The following STARD13 variants were observed in gnomAD, a reference collection of about 807,000 sequenced individuals.
STARD13 encodes the protein stAR-related lipid transfer protein 13.
Under a neutral mutation model 106.4 loss-of-function variants are expected in STARD13, and 62 were observed. The ratio of observed to expected loss-of-function variants is 0.58; its 90% CI spans 0.48 to 0.72. The LOEUF (loss-of-function observed/expected upper bound fraction) is 0.72, where lower values mean the gene tolerates loss of function less well. Ranked by LOEUF, STARD13 falls within the 30% of genes least tolerant of loss-of-function variation. The pLI is 0.00. For synonymous variants in STARD13, 565 were observed against 553.0 expected (o/e 1.02, Z -0.31); for missense variants, 1,387 against 1,424.0 (o/e 0.97, Z 0.42).
Position 33,274,418 on chromosome 13 carries a change from G to A in STARD13, c.169+11052C>T, listed in dbSNP as rs149353965. Among the ~76,000 whole-genome samples the A allele has an allele frequency of 2.5e-3, 373 of 152,188 alleles. 2 individuals carry two copies. The highest frequency in any genetic ancestry group is 8.5e-3 in the African/African-American group (353 of 41,514). On this transcript the variant is annotated intron_variant, in intron 1 of 13. Transcript: ENST00000336934. Reference sequence around the variant, plus strand: ...GGCCTCCAAAGGAACAAACCCTGCCGGCACCTTGTTCTCAACTTCCAACCT... The same window carrying A: ...GGCCTCCAAAGGAACAAACCCTGCCAGCACCTTGTTCTCAACTTCCAACCT...
At chr13:33,464,387 T>C in the STARD13 span, among the ~76,000 whole-genome samples, 2 of 152,188 alleles carry the variant, frequency 1.3e-5, no homozygotes, top group Non-Finnish European at 2.9e-5. Context: ...GTAACACATA[T>C]GTTGCTCCAA....
At chr13:33,200,876 A>T (rs1335301037) in intron 1 of STARD13, among the ~76,000 whole-genome samples, 1 of 151,922 alleles carries the variant, frequency 6.6e-6, no homozygotes, top group East Asian at 1.9e-4. Context: ...AATACAAAAA[A>T]TTAGCCGGGC....
intron 1 of STARD13, among the ~76,000 whole-genome samples, chr13:33,316,454 A>T (rs1893342635): frequency 6.6e-6 from 1 of 152,334 alleles, no homozygotes; most frequent in African/African-American, 2.4e-5. Context: ...TTGTAGTGTG[A>T]CTATCACATG....
At chr13:33,132,323 G>A (rs752970842) in intron 4 of STARD13, among the ~76,000 whole-genome samples, 6 of 152,160 alleles carry the variant, frequency 3.9e-5, no homozygotes, top group African/African-American at 9.7e-5. Flanking sequence ...TAATTGAATC[G>A]TGGGGGTGGT....
the STARD13 span, among the ~76,000 whole-genome samples, chr13:33,542,512 A>C: frequency 6.6e-6 from 1 of 152,228 alleles, no homozygotes; most frequent in Non-Finnish European, 1.5e-5. Flanking sequence ...ACGCACACGC[A>C]GACCGCGCCT....
chr13:33,171,445 T>C (rs553170484), intron 1 of STARD13, among the ~76,000 whole-genome samples: 2 of 152,362 alleles, frequency 1.3e-5, no homozygotes, highest in South Asian at 4.1e-4. Context: ...ATGTAATAAT[T>C]ATTTCATTTT....
At chr13:33,124,288 C>T (rs1229876955) in intron 7 of STARD13, among the ~76,000 whole-genome samples, 1 of 152,216 alleles carries the variant, frequency 6.6e-6, no homozygotes, top group African/African-American at 2.4e-5. Flanking sequence ...GCTGGAAGCC[C>T]TGCCAGGACT....
intron 1 of STARD13, among the ~76,000 whole-genome samples, chr13:33,303,806 C>T (rs1194593818): frequency 2.6e-5 from 4 of 152,172 alleles, no homozygotes; most frequent in Non-Finnish European, 5.9e-5. Context: ...GAACCATCAT[C>T]CCAGTTGATG....
Position 33,128,989 on chromosome 13 carries a change from G to A in STARD13, c.1688C>T (p.Pro563Leu), listed in dbSNP as rs574035412. Residue 563 changes from proline (P) to leucine (L), a missense_variant, in exon 5 of 14, where the codon CCT (proline) becomes CTT (leucine). Physicochemically the swap from Pro to Leu is moderately conservative, Grantham distance 98. Transcript: ENST00000336934. ...RDVTSLNESE[P>L]PGVRDRRDSG... ...ATCCCTCCTGTCTCTGACCCCAGGA[G>A]GCTCAGATTCATTAAGAGATGTTAC... is the stretch of plus-strand genomic sequence containing the variant. 2.5e-6 allele frequency: 4 copies of A among 1,614,096 alleles called. No individual in the cohort carries two copies. The highest frequency in any genetic ancestry group is 1.6e-4 in the Middle Eastern group (1 of 6,062).
chr13:33,645,831 A>T, the STARD13 span, among the ~76,000 whole-genome samples: 1 of 152,186 alleles, frequency 6.6e-6, no homozygotes, highest in Admixed American at 6.5e-5. Flanking sequence ...CTTCTCCTTA[A>T]GCCAGGGTGT....
intron 1 of STARD13, among the ~76,000 whole-genome samples, chr13:33,337,091 G>A (rs1319802868): frequency 2.0e-5 from 3 of 152,100 alleles, no homozygotes; most frequent in Non-Finnish European, 2.9e-5. Flanking sequence ...TTTAACCTAT[G>A]CAATTTTATA....
chr13:33,349,785 CT>C (rs1566153856), intron 1 of STARD13, among the ~76,000 whole-genome samples: 1 of 152,256 alleles, frequency 6.6e-6, no homozygotes, highest in African/African-American at 2.4e-5. Context: ...ACATCCCCCC[CT>C]CTACCCCCGA....
chr13:33,186,249 T>C (rs1386470239), intron 1 of STARD13, among the ~76,000 whole-genome samples: 1 of 152,166 alleles, frequency 6.6e-6, no homozygotes, highest in African/African-American at 2.4e-5. Context: ...AAGGATTCTG[T>C]TTGGAATAGA....
chr13:33,497,729 C>T, the STARD13 span, among the ~76,000 whole-genome samples: 51 of 152,276 alleles, frequency 3.3e-4, 1 homozygote, highest in African/African-American at 1.2e-3. Context: ...CCACCAAGTG[C>T]CAAGTACTAT....
the STARD13 span, among the ~76,000 whole-genome samples, chr13:33,466,268 T>C: frequency 6.6e-6 from 1 of 152,218 alleles, no homozygotes; most frequent in South Asian, 2.1e-4. Context: ...ATAATTAACA[T>C]ACAATATGTT....
At chr13:33,298,441 T>A (rs1041842663) in intron 1 of STARD13, among the ~76,000 whole-genome samples, 1 of 151,710 alleles carries the variant, frequency 6.6e-6, no homozygotes, top group African/African-American at 2.4e-5. Context: ...CCAATCCCCA[T>A]CTACACTTAA....
At chr13:33,577,873 A>C in the STARD13 span, among the ~76,000 whole-genome samples, 1 of 152,146 alleles carries the variant, frequency 6.6e-6, no homozygotes, top group Non-Finnish European at 1.5e-5. Context: ...AACTTCATTA[A>C]AAATTCAAAA....
the STARD13 span, among the ~76,000 whole-genome samples, chr13:33,399,536 T>C: frequency 2.7e-5 from 4 of 150,870 alleles, no homozygotes; most frequent in African/African-American, 9.8e-5. Flanking sequence ...GTACTAAAAA[T>C]ACAAAAAAAG....
the STARD13 span, among the ~76,000 whole-genome samples, chr13:33,590,017 CTCT>C: frequency 6.6e-6 from 1 of 152,108 alleles, no homozygotes. Flanking sequence ...GGATAGTTAG[CTCT>C]TCTTGTTGAA....
Sources: gnomAD v4.1 joint callset for allele counts (sites outside exome capture counted in the v4.1 genomes callset) on GRCh38, gnomAD v4.1.1 for gene constraint, MANE v1.5 for transcripts, NCBI Gene and HGNC (gene_info 2026-07-23, HGNC 2026-07-21) for gene names.